YBX3: variants seen among roughly 807,000 people sequenced by gnomAD.
The protein encoded by YBX3 is Y-box binding protein 3, also known as Y-box-binding protein 3.
Under a neutral mutation model 42.4 loss-of-function variants are expected in YBX3, and 29 were observed. That is an observed-to-expected ratio of 0.68 (90% CI 0.51 to 0.93). The LOEUF (loss-of-function observed/expected upper bound fraction) is 0.93. Ranked by LOEUF, YBX3 falls within the 40% of genes least tolerant of loss-of-function variation. The pLI is 0.00. For missense variants in YBX3, 517 were observed against 527.5 expected, an observed-to-expected ratio of 0.98 and a Z score of 0.19; for synonymous variants, 195 against 189.8, an observed-to-expected ratio of 1.03 and a Z score of -0.22.
chr12:10,701,931 C>T (rs759190470), intron 8 of YBX3, 29 bp downstream of exon 8: 3 of 1,586,220 alleles, frequency 1.9e-6, no homozygotes, highest in Non-Finnish European at 2.6e-6. Flanking sequence ...GACTATCTGG[C>T]AACATCCGCC....
chr12:10,707,326 A>G (rs12578723), intron 6 of YBX3, among the ~76,000 whole-genome samples: 16,472 of 152,148 alleles, frequency 0.11, 1,273 homozygotes, highest in East Asian at 0.36. Context: ...AAGAATTTTC[A>G]CCTTTCCCTC....
Position 10,722,967 on chromosome 12 carries a change from C to A in YBX3, c.145G>T (p.Ala49Ser). ...CCGGGGTTTCCTGCGACGTGGGCGGCGGGCGCCGGGGCCGCGGCCTGGGGC... is the reference window on the plus strand; with the variant it reads ...CCGGGGTTTCCTGCGACGTGGGCGGAGGGCGCCGGGGCCGCGGCCTGGGGC... Reference protein sequence around the residue: ...GAPQAAAPAPAAHVAGNPGGD... With the variant: ...GAPQAAAPAPSAHVAGNPGGD... The change falls in exon 1 of 10, where the codon GCC becomes TCC. Residue 49 changes from alanine (A) to serine (S), a missense_variant. Coordinates refer to ENST00000228251, the MANE Select transcript of YBX3 (RefSeq NM_003651.5). 6 of 1,243,936 alleles carry A rather than the reference C, an allele frequency of 4.8e-6. No homozygotes were observed. The highest frequency in any genetic ancestry group is 6.0e-6 in the Non-Finnish European group (6 of 998,614). The allele number at this position is 1,243,936 out of a possible 1,614,324, so 77.1% of individuals were successfully genotyped here.
chr12:10,718,085 T>G lies in YBX3; in HGVS notation c.360+3A>C. The stretch of plus-strand genomic sequence containing the variant: ...CAAATGTAGTATTTATAATCCCTCT[T>G]ACCTGATGTACAAATACATCTTCTT... On this transcript the variant is annotated splice_donor_region_variant and intron_variant, in intron 3 of 9. Transcript: ENST00000228251. 6.2e-7 allele frequency: 1 copy of G among 1,611,482 alleles called. No individual in the cohort carries two copies.
chr12:10,700,519 T>G (rs866083918), intron 9 of YBX3, among the ~76,000 whole-genome samples: 1 of 152,140 alleles, frequency 6.6e-6, no homozygotes, highest in African/African-American at 2.4e-5. Flanking sequence ...TATAATTCTA[T>G]GTAAATAAAA....
At chr12:10,704,654 A>C (rs768437023) in intron 6 of YBX3, among the ~76,000 whole-genome samples, 1 of 152,114 alleles carries the variant, frequency 6.6e-6, no homozygotes, top group Non-Finnish European at 1.5e-5. Flanking sequence ...AGAGCCAAAT[A>C]CTGTCCTTCA....
In YBX3 at chr12:10,719,998, T is replaced by G. The variant is rs374162994; in HGVS notation, c.263-855A>C. On this transcript the variant is annotated intron_variant, in intron 1 of 9. Coordinates refer to ENST00000228251, the MANE Select transcript of YBX3 (RefSeq NM_003651.5). ...TCTCAACTATTTCAAATATGATCTT[T>G]GGAATCAATTATGAATGACAAATTC... 3.9e-5 allele frequency among the ~76,000 whole-genome samples: 6 copies of G among 152,332 alleles called. No homozygotes were observed. The East Asian group carries it at 7.7e-4, about 20-fold the overall frequency.
At chr12:10,702,634 T>C (rs1299636874) in intron 7 of YBX3, 1 of 152,420 alleles carries the variant, frequency 6.6e-6, no homozygotes, top group African/African-American at 2.4e-5. Flanking sequence ...TCCATCATTT[T>C]CCCCTTTCAT....
intron 1 of YBX3, among the ~76,000 whole-genome samples, chr12:10,719,383 G>C (rs1356040440): frequency 6.6e-6 from 1 of 152,124 alleles, no homozygotes; most frequent in African/African-American, 2.4e-5. Context: ...GCAAGATAAG[G>C]AGTGGTTATA....
At chr12:10,701,806 G>A (rs75048880) in intron 8 of YBX3, among the ~76,000 whole-genome samples, 154 bp downstream of exon 8, 3,388 of 152,260 alleles carry the variant, frequency 0.022, 63 homozygotes, top group Middle Eastern at 0.061. Flanking sequence ...TCTGTGTTAT[G>A]TACAAGGCAT....
chr12:10,699,445 C>T lies in YBX3; in HGVS notation c.*244G>A, dbSNP rs186322454. 6 of 152,638 alleles carry T rather than the reference C, an allele frequency of 3.9e-5. No individual in the cohort carries two copies. Among genetic ancestry groups the T allele is most frequent in the East Asian group, 1.9e-4 (1 of 5,180 alleles). The allele number at this position is 152,638 out of a possible 1,614,324, so 9.5% of individuals were successfully genotyped here. ...CTGGAGAGGCTACTCTCTTGTCTTCCGTGCAGGAATTCCCAGGTTCTCAGC... is the reference window on the plus strand; with the variant it reads ...CTGGAGAGGCTACTCTCTTGTCTTCTGTGCAGGAATTCCCAGGTTCTCAGC... On this transcript the variant is annotated 3_prime_UTR_variant, in exon 10 of 10. Coordinates refer to ENST00000228251, the MANE Select transcript of YBX3 (RefSeq NM_003651.5).
chr12:10,706,287 T>C (rs2120919872), intron 6 of YBX3, among the ~76,000 whole-genome samples: 1 of 152,302 alleles, frequency 6.6e-6, no homozygotes, highest in South Asian at 2.1e-4. Flanking sequence ...GCAAAAATCT[T>C]GCTCTGATCC....
intron 5 of YBX3, chr12:10,712,888 T>G (rs1421726135): frequency 4.4e-6 from 1 of 226,154 alleles, no homozygotes; most frequent in East Asian, 9.0e-5. Flanking sequence ...GACCAGCGGC[T>G]CTGGAAAAGT....
intron 6 of YBX3, 114 bp downstream of exon 6, chr12:10,709,794 G>A: frequency 2.3e-6 from 3 of 1,289,162 alleles, no homozygotes; most frequent in South Asian, 1.2e-5. Context: ...TGTAGCATCA[G>A]GAAGCCATAA....
intron 5 of YBX3, 159 bp from the exon 6 acceptor site, chr12:10,710,273 AT>A: frequency 6.6e-7 from 1 of 1,505,298 alleles, no homozygotes; most frequent in South Asian, 1.3e-5. Flanking sequence ...TTATCATGTG[AT>A]TGCCTGGGAT....
At chr12:10,704,223 G>T in intron 6 of YBX3, 75 bp from the exon 7 acceptor site, 2 of 1,283,226 alleles carry the variant, frequency 1.6e-6, no homozygotes, top group Non-Finnish European at 2.2e-6. Context: ...GCTATGTTCA[G>T]AATTTTTTTT....
intron 4 of YBX3, among the ~76,000 whole-genome samples, chr12:10,715,275 T>C (rs1161650338): frequency 6.6e-6 from 1 of 152,002 alleles, no homozygotes; most frequent in Non-Finnish European, 1.5e-5. Context: ...CTGGGTGTGG[T>C]GGCTCACACC....
intron 8 of YBX3, 79 bp downstream of exon 8, chr12:10,701,881 T>C: frequency 1.3e-6 from 2 of 1,502,758 alleles, no homozygotes; most frequent in Admixed American, 4.4e-5. Context: ...TTTCATGTGA[T>C]AAAACCACTT....
At position 10,713,306 on chromosome 12, in the gene YBX3, G is replaced by T; in HGVS notation, c.478C>A (p.Pro160Thr). The stretch of plus-strand genomic sequence containing the variant: ...CTCCCTTCCACAGGAACTCCATCCG[G>T]GCCAGTCACATTGGCAGCTTCTGCA... ...KGAEAANVTG[P>T]DGVPVEGSRY... is the part of the protein sequence containing the mutation. Residue 160 changes from proline (P) to threonine (T), a missense_variant, in exon 5 of 10, where the codon CCG becomes ACG. By Grantham distance (38) the Pro-to-Thr change is conservative. Around this residue, in one of 3 missense-constraint regions of YBX3, gnomAD observed 420 missense variants for 408.5 expected, o/e 1.03. Coordinates refer to ENST00000228251, the MANE Select transcript of YBX3 (RefSeq NM_003651.5). 1 of 1,613,826 alleles carries T rather than the reference G, an allele frequency of 6.2e-7. No individual in the cohort carries two copies. Among genetic ancestry groups the T allele is most frequent in the East Asian group, 2.2e-5 (1 of 44,854 alleles).
chr12:10,719,095 T>C lies in YBX3; in HGVS notation c.311A>G (p.Tyr104Cys). The change falls in exon 2 of 10, where the codon TAT (tyrosine) becomes TGT (cysteine). Residue 104 changes from tyrosine to cysteine, a missense_variant. Coordinates refer to ENST00000228251, the MANE Select transcript of YBX3 (RefSeq NM_003651.5). ...ACACACATACCGATTTATAAATCCA[T>C]ATCCATTTCTGACGTTGAACCATTT... is the stretch of plus-strand genomic sequence containing the variant. ...TVKWFNVRNG[Y>C]GFINRNDTKE... is the part of the protein sequence containing the mutation. 3 of 1,613,492 alleles carry C rather than the reference T, an allele frequency of 1.9e-6. No individual in the cohort carries two copies. The highest frequency in any genetic ancestry group is 2.5e-6 in the Non-Finnish European group (3 of 1,179,650).
Sources: allele counts gnomAD v4.1 joint callset (sites outside exome capture counted in the v4.1 genomes callset), GRCh38; gene constraint gnomAD v4.1.1; regional missense constraint gnomAD v4.1.1; transcripts MANE v1.5; gene names NCBI Gene and HGNC (gene_info 2026-07-23, HGNC 2026-07-21).